The following PCDHA1 variants were observed in gnomAD, a reference collection of about 807,000 sequenced individuals.
PCDHA1 encodes the protein protocadherin alpha-1.
A neutral mutation model predicts 61.3 loss-of-function variants in PCDHA1; 42 were observed. The ratio of observed to expected loss-of-function variants is 0.69; its 90% confidence interval spans 0.54 to 0.89. PCDHA1 has a LOEUF of 0.89. PCDHA1 is among the 40% of genes least tolerant of loss of function. The pLI is 0.00. For synonymous variants in PCDHA1, 610 were observed against 553.8 expected, an observed-to-expected ratio of 1.10 and a Z score of -1.43; for missense variants, 1,256 against 1,235.3, an observed-to-expected ratio of 1.02 and a Z score of -0.25.
chr5:140,835,535 G>A, intron 1 of PCDHA1: 3 of 1,613,958 alleles, frequency 1.9e-6, no homozygotes, highest in Non-Finnish European at 2.5e-6. Flanking sequence ...TCAACGGACA[G>A]GTTACCTGCT....
chr5:140,914,755 T>G (rs1175753765), intron 1 of PCDHA1, among the ~76,000 whole-genome samples: 1 of 152,270 alleles, frequency 6.6e-6, no homozygotes, highest in East Asian at 1.9e-4. Flanking sequence ...CCATTTGAGG[T>G]TACATGAGGT....
At chr5:140,948,273 T>A (rs1563231021) in intron 1 of PCDHA1, among the ~76,000 whole-genome samples, 1 of 151,602 alleles carries the variant, frequency 6.6e-6, no homozygotes, top group South Asian at 2.1e-4. Context: ...ATGTAGAATA[T>A]CTGTAAATAA....
intron 1 of PCDHA1, chr5:140,854,391 A>C (rs251359): frequency 0.5 from 77,721 of 154,576 alleles, 22,387 homozygotes; most frequent in South Asian, 0.62. Flanking sequence ...TTACATTTTA[A>C]TTCAGGGTTT....
chr5:140,796,355 T>C (rs1554119866), intron 1 of PCDHA1: 2 of 1,609,788 alleles, frequency 1.2e-6, no homozygotes, highest in Non-Finnish European at 1.7e-6. Context: ...ACAGTATTCG[T>C]GAAGGAGAAC....
chr5:140,916,046 C>T (rs2077416983), intron 1 of PCDHA1, among the ~76,000 whole-genome samples: 1 of 152,202 alleles, frequency 6.6e-6, no homozygotes, highest in Admixed American at 6.5e-5. Context: ...TTTCCACAGG[C>T]AGAGGTGCCT....
intron 1 of PCDHA1, among the ~76,000 whole-genome samples, chr5:140,890,467 AT>A (rs1562850687): frequency 1.3e-5 from 2 of 152,154 alleles, no homozygotes; most frequent in African/African-American, 4.8e-5. Context: ...AAATATTTCA[AT>A]TTTTTGTGCG....
chr5:140,897,636 C>A (rs2066236074), intron 1 of PCDHA1, among the ~76,000 whole-genome samples: 1 of 152,038 alleles, frequency 6.6e-6, no homozygotes, highest in African/African-American at 2.4e-5. Context: ...GTGTATAGTG[C>A]CACAATAAAC....
intron 3 of PCDHA1, among the ~76,000 whole-genome samples, chr5:141,008,352 A>T (rs549122044): frequency 6.6e-6 from 1 of 152,204 alleles, no homozygotes; most frequent in Non-Finnish European, 1.5e-5. Flanking sequence ...TTCACGTGTC[A>T]ACCAAAGGAG....
chr5:141,000,765 G>T (rs1554257794), intron 3 of PCDHA1, among the ~76,000 whole-genome samples: 9 of 151,816 alleles, frequency 5.9e-5, no homozygotes, highest in Non-Finnish European at 2.9e-5. Context: ...ATCTTAGCCA[G>T]GCATAGTGGC....
intron 1 of PCDHA1, chr5:140,823,276 C>A: frequency 6.2e-7 from 1 of 1,612,170 alleles, no homozygotes; most frequent in Non-Finnish European, 8.5e-7. Context: ...GGTGGGCGAG[C>A]GCCCGCTGTC....
At chr5:140,999,419 G>A (rs2097856786) in intron 3 of PCDHA1, among the ~76,000 whole-genome samples, 1 of 152,182 alleles carries the variant, frequency 6.6e-6, no homozygotes, top group Non-Finnish European at 1.5e-5. Flanking sequence ...TGGGAGCTAA[G>A]AGGCCAAGTA....
intron 1 of PCDHA1, among the ~76,000 whole-genome samples, chr5:140,799,915 T>G (rs1554121052): frequency 6.6e-6 from 1 of 152,166 alleles, no homozygotes; most frequent in African/African-American, 2.4e-5. Context: ...CGGCGAGAAT[T>G]CATGCTTCTC....
At chr5:140,842,744 T>C in intron 1 of PCDHA1, 1 of 1,595,066 alleles carries the variant, frequency 6.3e-7, no homozygotes, top group East Asian at 2.2e-5. Context: ...CTGCCACATC[T>C]TCACGGTGTC....
At chr5:140,964,473 T>G (rs1457345251) in intron 1 of PCDHA1, among the ~76,000 whole-genome samples, 13 of 152,068 alleles carry the variant, frequency 8.5e-5, no homozygotes, top group African/African-American at 3.1e-4. Flanking sequence ...TGCCTATGAT[T>G]TTTTCACAGT....
rs148608291 is a variant in PCDHA1, at chr5:140,870,364, G to A, written c.2394+81680G>A. The stretch of plus-strand genomic sequence containing the variant: ...GGACCGCGAGAACGTGTGGGCCTAT[G>A]AACTGGTGGTGACTGCGCGGGATGG... On this transcript the variant is annotated intron_variant, in intron 1 of 3. Transcript: ENST00000504120. 1,110 of 1,614,212 alleles carry A rather than the reference G, an allele frequency of 6.9e-4. 2 individuals are homozygous for A. The highest frequency in any genetic ancestry group is 9.1e-4 in the Non-Finnish European group (1,069 of 1,180,030).
At chr5:140,899,201 G>T (rs1400966236) in intron 1 of PCDHA1, among the ~76,000 whole-genome samples, 5 of 151,818 alleles carry the variant, frequency 3.3e-5, no homozygotes, top group Admixed American at 6.6e-5. Context: ...CTGCCTAATT[G>T]CCCTGGCCAG....
In PCDHA1 at chr5:141,010,018, T is replaced by G. The variant is rs1257083450; in HGVS notation, c.*81T>G. On this transcript the variant is annotated 3_prime_UTR_variant, in exon 4 of 4. Coordinates refer to ENST00000504120, the MANE Select transcript of PCDHA1 (RefSeq NM_018900.4). ...TCCCATGTAGCAATTCCCTGCTCCTTTTTCCTATCTACATGAGCCCTCTTA... is the reference window on the plus strand; with the variant it reads ...TCCCATGTAGCAATTCCCTGCTCCTGTTTCCTATCTACATGAGCCCTCTTA... 2.5e-5 allele frequency: 40 copies of G among 1,571,834 alleles called. No homozygotes were observed. Among genetic ancestry groups the G allele is most frequent in the Non-Finnish European group, 3.4e-5 (39 of 1,163,118 alleles).
intron 1 of PCDHA1, chr5:140,801,199 T>C: frequency 6.3e-7 from 1 of 1,594,768 alleles, no homozygotes; most frequent in Non-Finnish European, 8.5e-7. Context: ...ATACTTGCAA[T>C]GTTGTTCTCC....
At chr5:140,947,153 C>T (rs1306730368) in intron 1 of PCDHA1, among the ~76,000 whole-genome samples, 4 of 150,836 alleles carry the variant, frequency 2.7e-5, no homozygotes, top group African/African-American at 4.9e-5. Context: ...GTTACTTCCA[C>T]GGGGTAGAAA....
Sources: allele counts gnomAD v4.1 joint callset (sites outside exome capture counted in the v4.1 genomes callset), GRCh38; gene constraint gnomAD v4.1.1; transcripts MANE v1.5; gene names NCBI Gene and HGNC (gene_info 2026-07-23, HGNC 2026-07-21).